The following ANO2 variants were observed in gnomAD, a reference collection of about 807,000 sequenced individuals.
The protein encoded by ANO2 is anoctamin 2, also known as anoctamin-2.
ANO2 carries 101 observed loss-of-function variants against 124.2 expected under a neutral mutation model. The ratio of observed to expected loss-of-function variants is 0.81; its 90% CI spans 0.69 to 0.96. The LOEUF (loss-of-function observed/expected upper bound fraction) is 0.96, where lower values mean the gene tolerates loss of function less well. ANO2 is among the 40% of genes least tolerant of loss of function. The pLI is 0.00. For synonymous variants in ANO2, 486 were observed against 482.5 expected, an observed-to-expected ratio of 1.01 and a Z score of -0.09; for missense variants, 1,293 against 1,274.5, an observed-to-expected ratio of 1.01 and a Z score of -0.22.
rs1186913683 is a variant in ANO2, at chr12:5,658,740, TCAA to T, written c.1546-10942_1546-10940del. Among the ~76,000 whole-genome samples the T allele has an allele frequency of 1.5e-3, 231 of 151,510 alleles. 1 individual carries two copies. The highest frequency in any genetic ancestry group is 4.9e-3 in the African/African-American group (201 of 41,050). ...GTCATCAATATCATCATCATCATCATCAACATCATTATCATCATTAAATCATCA... is the reference window on the plus strand; with the variant it reads ...GTCATCAATATCATCATCATCATCATCATCATTATCATCATTAAATCATCA... On this transcript the variant is annotated intron_variant, in intron 14 of 24. Transcript: ENST00000682330. This position sits in a 1 kb window ranked among gnomAD's most constrained non-coding sequence, Gnocchi z 4.3.
chr12:5,712,774 G>C (rs1435343653), intron 14 of ANO2, among the ~76,000 whole-genome samples: 1 of 152,172 alleles, frequency 6.6e-6, no homozygotes, highest in Admixed American at 6.5e-5. Flanking sequence ...TGGATAGAGA[G>C]AGGGAAAGCA....
chr12:5,674,875 A>C (rs1158766847), intron 14 of ANO2, among the ~76,000 whole-genome samples: 1 of 152,222 alleles, frequency 6.6e-6, no homozygotes, highest in Admixed American at 6.5e-5. Flanking sequence ...GTTAGTGCTG[A>C]GTAAATAGTA....
chr12:5,773,282 T>C (rs1284434495), intron 10 of ANO2, among the ~76,000 whole-genome samples: 1 of 152,230 alleles, frequency 6.6e-6, no homozygotes, highest in South Asian at 2.1e-4. Context: ...TTTGAGCATG[T>C]CACCTCTTCC....
At chr12:5,816,909 T>C (rs1408932311) in intron 7 of ANO2, among the ~76,000 whole-genome samples, 1 of 152,216 alleles carries the variant, frequency 6.6e-6, no homozygotes, top group Non-Finnish European at 1.5e-5. Flanking sequence ...TAAACTCAGC[T>C]TGGCATCCCT....
At chr12:5,596,132 T>C (rs879758299) in intron 20 of ANO2, among the ~76,000 whole-genome samples, 15 of 152,166 alleles carry the variant, frequency 9.9e-5, no homozygotes, top group Non-Finnish European at 1.5e-4. Flanking sequence ...CCCAGCACTT[T>C]GGGAGGCCGA....
intron 3 of ANO2, among the ~76,000 whole-genome samples, chr12:5,882,262 GC>G (rs1938554645): frequency 6.6e-6 from 1 of 152,146 alleles, no homozygotes; most frequent in African/African-American, 2.4e-5. Flanking sequence ...TCCCATCAGG[GC>G]CCCAGGTACA....
At chr12:5,597,243 C>CT (rs1943708299) in intron 20 of ANO2, among the ~76,000 whole-genome samples, 1 of 152,106 alleles carries the variant, frequency 6.6e-6, no homozygotes, top group Non-Finnish European at 1.5e-5. Context: ...GATCCTCTCC[C>CT]TCTTCTCATC....
intron 7 of ANO2, among the ~76,000 whole-genome samples, chr12:5,815,421 T>C (rs1005543986): frequency 1.2e-4 from 18 of 152,228 alleles, no homozygotes; most frequent in Admixed American, 9.2e-4. Flanking sequence ...TTAATGATGA[T>C]CTTGAATAAT....
intron 10 of ANO2, among the ~76,000 whole-genome samples, chr12:5,759,987 G>A (rs1027430646): frequency 2.0e-5 from 3 of 152,028 alleles, no homozygotes; most frequent in East Asian, 1.9e-4. Flanking sequence ...AGAGAGTACC[G>A]GAAATGGTGA....
chr12:5,854,758 T>C (rs1040715640), intron 3 of ANO2, among the ~76,000 whole-genome samples: 19 of 152,296 alleles, frequency 1.2e-4, no homozygotes, highest in Non-Finnish European at 2.4e-4. Context: ...GATAAGTGAC[T>C]GTGTTGTGTG....
chr12:5,923,071 CAT>C (rs1283184085), intron 1 of ANO2, among the ~76,000 whole-genome samples: 3 of 86,838 alleles, frequency 3.5e-5, no homozygotes, highest in Non-Finnish European at 5.3e-5. Context: ...TACACACACA[CAT>C]GCACACATAC....
intron 10 of ANO2, among the ~76,000 whole-genome samples, chr12:5,796,321 C>T (rs1236754255): frequency 1.3e-5 from 2 of 151,324 alleles, no homozygotes; most frequent in South Asian, 2.1e-4. Context: ...ACTCCCTGCT[C>T]ACACTCACAC....
At chr12:5,837,619 A>G (rs1018186071) in intron 4 of ANO2, among the ~76,000 whole-genome samples, 3 of 151,742 alleles carry the variant, frequency 2.0e-5, no homozygotes, top group Admixed American at 2.0e-4. Flanking sequence ...GAATGATGGT[A>G]CATGACGAAA....
chr12:5,830,378 T>C (rs1954111999), intron 6 of ANO2, 57 bp downstream of exon 6: 1 of 1,566,096 alleles, frequency 6.4e-7, no homozygotes, highest in Non-Finnish European at 8.7e-7. Context: ...CCCTGCCAAC[T>C]AGGAACTCAG....
intron 1 of ANO2, among the ~76,000 whole-genome samples, chr12:5,944,461 G>T (rs1262089004): frequency 6.6e-6 from 1 of 152,138 alleles, no homozygotes; most frequent in African/African-American, 2.4e-5. Context: ...CCAAAGGAGC[G>T]GGCACCTCCC....
chr12:5,720,643 T>C (rs544578099), intron 14 of ANO2, among the ~76,000 whole-genome samples: 1 of 152,194 alleles, frequency 6.6e-6, no homozygotes, highest in Non-Finnish European at 1.5e-5. Flanking sequence ...TTGGGTCTTG[T>C]GTTTTCCCAG....
chr12:5,706,862 T>C (rs975845857), intron 14 of ANO2, among the ~76,000 whole-genome samples: 14 of 152,248 alleles, frequency 9.2e-5, no homozygotes, highest in Non-Finnish European at 1.6e-4. Flanking sequence ...GGAGGTTAAA[T>C]AACTTTCCCA....
chr12:5,813,997 C>A (rs1953518749), intron 7 of ANO2, among the ~76,000 whole-genome samples: 1 of 152,222 alleles, frequency 6.6e-6, no homozygotes, highest in Non-Finnish European at 1.5e-5. Context: ...TGCCTATCTT[C>A]CATCTTCCCC....
At chr12:5,803,373 G>A (rs1953101520) in intron 9 of ANO2, among the ~76,000 whole-genome samples, 1 of 152,192 alleles carries the variant, frequency 6.6e-6, no homozygotes, top group South Asian at 2.1e-4. Flanking sequence ...AAATGCAGGA[G>A]TGACTCTCTC....
Sources: allele counts gnomAD v4.1 joint callset (sites outside exome capture counted in the v4.1 genomes callset), GRCh38; gene constraint gnomAD v4.1.1; non-coding constraint Gnocchi (gnomAD v3.1); transcripts MANE v1.5; gene names NCBI Gene and HGNC (gene_info 2026-07-23, HGNC 2026-07-21).